The following MMS22L variants were observed in gnomAD, a reference collection of about 807,000 sequenced individuals.
MMS22L encodes protein MMS22-like.
A neutral mutation model predicts 159.1 loss-of-function variants in MMS22L; 74 were observed. The observed-to-expected ratio is 0.47, with a 90% CI of 0.39 to 0.56. MMS22L has a LOEUF of 0.56. MMS22L is among the 20% of genes least tolerant of loss of function. The pLI is 0.00. For synonymous variants in MMS22L, 517 were observed against 506.9 expected, an observed-to-expected ratio of 1.02 and a Z score of -0.27; for missense variants, 1,351 against 1,422.1, an observed-to-expected ratio of 0.95 and a Z score of 0.80.
chr6:97,156,746 G>A (rs763229123), intron 22 of MMS22L, among the ~76,000 whole-genome samples: 23 of 152,006 alleles, frequency 1.5e-4, no homozygotes, highest in African/African-American at 2.2e-4. Flanking sequence ...GTCAGGTAGC[G>A]TGACAAAGTA....
At chr6:97,250,373 T>C (rs753818973) in intron 10 of MMS22L, among the ~76,000 whole-genome samples, 2 of 152,196 alleles carry the variant, frequency 1.3e-5, no homozygotes, top group Non-Finnish European at 2.9e-5. Context: ...CACACTTTTA[T>C]CTGGTTACTA....
Position 97,256,171 on chromosome 6 carries a change from G to C in MMS22L, c.943-1438C>G, listed in dbSNP as rs1813787248. Among the ~76,000 whole-genome samples, 5 of 151,778 alleles carry C rather than the reference G, an allele frequency of 3.3e-5. 1 individual carries two copies. Among genetic ancestry groups the C allele is most frequent in the Admixed American group, 2.0e-4 (3 of 15,240 alleles). ...ATATTAATTTTTTCCCCCTCTACCTGCTTGGAAGTTAAAAAGTCTACTTTT... is the reference window on the plus strand; with the variant it reads ...ATATTAATTTTTTCCCCCTCTACCTCCTTGGAAGTTAAAAAGTCTACTTTT... On this transcript the variant is annotated intron_variant, in intron 9 of 24. Coordinates refer to ENST00000683635, the MANE Select transcript of MMS22L (RefSeq NM_001350599.2).
At chr6:97,151,231 C>A (rs1355638225) in intron 23 of MMS22L, among the ~76,000 whole-genome samples, 1 of 152,144 alleles carries the variant, frequency 6.6e-6, no homozygotes, top group African/African-American at 2.4e-5. Context: ...TAGTTCAGTA[C>A]AATAAGATTA....
chr6:97,238,382 T>G (rs754155028), intron 11 of MMS22L, among the ~76,000 whole-genome samples: 1 of 152,198 alleles, frequency 6.6e-6, no homozygotes, highest in Non-Finnish European at 1.5e-5. Flanking sequence ...TTTGTCAGTT[T>G]TAAGCAAACC....
Position 97,281,326 on chromosome 6 carries a change from A to C in MMS22L, c.201T>G (p.Phe67Leu), listed in dbSNP as rs1816737316. 1.9e-6 allele frequency: 3 copies of C among 1,608,726 alleles called. No individual in the cohort carries two copies. The stretch of plus-strand genomic sequence containing the variant: ...CAAATATTTCCAAGGTATCTTCTTC[A>C]AAATTAGTTGGTAAAGGGTCAAGAT... ...ILNLDPLPTN[F>L]EEDTLEIFGI... The change falls in exon 3 of 25, where the codon TTT (phenylalanine) becomes TTG (leucine). Residue 67 changes from phenylalanine to leucine, a missense_variant. By Grantham distance (22) the Phe-to-Leu change is conservative. Coordinates refer to ENST00000683635, the MANE Select transcript of MMS22L (RefSeq NM_001350599.2).
intron 7 of MMS22L, among the ~76,000 whole-genome samples, chr6:97,268,432 C>T (rs1299475703): frequency 6.6e-6 from 1 of 152,096 alleles, no homozygotes; most frequent in African/African-American, 2.4e-5. Flanking sequence ...TTGTGATCTG[C>T]CCACCTTGGC....
In MMS22L at chr6:97,283,078, C is replaced by T. The variant is rs1816921139; in HGVS notation, c.-77+18G>A. 1 of 152,280 alleles carries T rather than the reference C, an allele frequency of 6.6e-6. No individual in the cohort carries two copies. Among genetic ancestry groups the T allele is most frequent in the Non-Finnish European group, 1.5e-5 (1 of 68,100 alleles). The allele number at this position is 152,280 out of a possible 1,614,324, so 9.4% of individuals were successfully genotyped here. A position where few individuals can be genotyped will look rare whatever the true frequency, so the allele number is the denominator to read the frequency against. ...AGCAAGGACCCGGGGCGTCGGTTAC[C>T]CGCGGTGCCTGTCGTACCCGCTCAC... On this transcript the variant is annotated intron_variant, in intron 1 of 24. Transcript: ENST00000683635.
intron 21 of MMS22L, among the ~76,000 whole-genome samples, chr6:97,164,554 G>A (rs1360040357): frequency 2.7e-5 from 4 of 146,020 alleles, no homozygotes; most frequent in Non-Finnish European, 6.1e-5. Flanking sequence ...CAAGACTTCA[G>A]GGTGCTTCAT....
At chr6:97,219,062 C>T (rs905342488) in intron 14 of MMS22L, among the ~76,000 whole-genome samples, 1 of 152,088 alleles carries the variant, frequency 6.6e-6, no homozygotes, top group Non-Finnish European at 1.5e-5. Context: ...GTGGGAACCA[C>T]CCCCATGATC....
chr6:97,170,055 C>A (rs1475877633), intron 19 of MMS22L, among the ~76,000 whole-genome samples: 1 of 152,070 alleles, frequency 6.6e-6, no homozygotes, highest in Non-Finnish European at 1.5e-5. Flanking sequence ...TCTATTAATA[C>A]TATTATTAGT....
chr6:97,244,976 G>C (rs1233640072), intron 11 of MMS22L, among the ~76,000 whole-genome samples: 2 of 152,040 alleles, frequency 1.3e-5, no homozygotes, highest in Non-Finnish European at 2.9e-5. Flanking sequence ...AGAGAAGTGG[G>C]GGAAAGCTGG....
chr6:97,221,454 A>G (rs1451238974), intron 14 of MMS22L, among the ~76,000 whole-genome samples: 2 of 152,144 alleles, frequency 1.3e-5, no homozygotes, highest in East Asian at 1.9e-4. Context: ...ATGGGATTAT[A>G]AAATATGTAA....
chr6:97,242,732 G>A (rs968024097), intron 11 of MMS22L, among the ~76,000 whole-genome samples: 1 of 152,136 alleles, frequency 6.6e-6, no homozygotes, highest in African/African-American at 2.4e-5. Context: ...TGAGGTTCAA[G>A]ATTTAGGTCT....
Position 97,272,633 on chromosome 6 carries a change from C to T in MMS22L, c.606+71G>A, listed in dbSNP as rs568635568. The T allele has an allele frequency of 2.9e-5, 40 of 1,356,600 alleles. No homozygotes were observed. In the East Asian group the frequency reaches 8.5e-4, roughly 29 times the overall value. 84.0% of individuals were successfully genotyped at this position (1,356,600 alleles called of 1,614,324 possible). ...AGCTGTAATTCTGACTAATTTCTCT[C>T]CTTCTTGAATGAATACTCCTTGTGG... On this transcript the variant is annotated intron_variant, in intron 6 of 24. Coordinates refer to ENST00000683635, the MANE Select transcript of MMS22L (RefSeq NM_001350599.2).
chr6:97,281,738 A>G (rs2128105012), intron 2 of MMS22L, among the ~76,000 whole-genome samples: 1 of 152,332 alleles, frequency 6.6e-6, no homozygotes, highest in South Asian at 2.1e-4. Context: ...CCAACTAATG[A>G]AGTTGAGTAT....
intron 14 of MMS22L, among the ~76,000 whole-genome samples, chr6:97,194,221 C>T (rs911144847): frequency 6.6e-6 from 1 of 151,776 alleles, no homozygotes; most frequent in African/African-American, 2.4e-5. Flanking sequence ...CCATGCTCCG[C>T]TAATTTTTGC....
intron 11 of MMS22L, among the ~76,000 whole-genome samples, chr6:97,244,346 C>T (rs749402015): frequency 8.5e-5 from 13 of 152,144 alleles, no homozygotes; most frequent in Non-Finnish European, 1.3e-4. Flanking sequence ...TTTCTATCTT[C>T]GGCTACCAGG....
In MMS22L at chr6:97,272,763, G is replaced by A; in HGVS notation, c.547C>T (p.His183Tyr). 2 of 1,613,942 alleles carry A rather than the reference G, an allele frequency of 1.2e-6. No individual in the cohort carries two copies. Among genetic ancestry groups the A allele is most frequent in the African/African-American group, 1.3e-5 (1 of 75,048 alleles). ...TTAACACTGGGAAGTTCAGATAGGTGTCCAATATACAAGAGTAATCCATGA... is the reference window on the plus strand; with the variant it reads ...TTAACACTGGGAAGTTCAGATAGGTATCCAATATACAAGAGTAATCCATGA... The part of the protein sequence containing the change: ...ELHGLLLYIG[H>Y]LSELPSVNIG... Residue 183 changes from histidine (H) to tyrosine (Y), a missense_variant, in exon 6 of 25, where the codon CAC (histidine) becomes TAC (tyrosine). Transcript: ENST00000683635.
rs372795910 is a variant in MMS22L, at chr6:97,178,429, T to C, written c.2679+14A>G. The C allele has an allele frequency of 6.6e-7, 1 of 1,517,582 alleles. No individual in the cohort carries two copies. The highest frequency in any genetic ancestry group is 8.8e-7 in the Non-Finnish European group (1 of 1,132,578). 94.0% of individuals were successfully genotyped at this position (1,517,582 alleles called of 1,614,324 possible). A position where few individuals can be genotyped will look rare whatever the true frequency, so the allele number is the denominator to read the frequency against. On this transcript the variant is annotated intron_variant, in intron 18 of 24. Transcript: ENST00000683635. ...TAATTAATCTGGACAATTATACTAATAAATGACAAATACCTCAAAGAATCG... is the reference window on the plus strand; with the variant it reads ...TAATTAATCTGGACAATTATACTAACAAATGACAAATACCTCAAAGAATCG...
Sources: allele counts gnomAD v4.1 joint callset (sites outside exome capture counted in the v4.1 genomes callset), GRCh38; gene constraint gnomAD v4.1.1; transcripts MANE v1.5; gene names NCBI Gene and HGNC (gene_info 2026-07-23, HGNC 2026-07-21).